Variants in UNC5C observed in about 807,000 individuals in gnomAD.
The protein encoded by UNC5C is unc-5 netrin receptor C.
UNC5C carries 47 observed loss-of-function variants against 99.8 expected under a neutral mutation model. The observed-to-expected ratio is 0.47, with a 90% CI of 0.37 to 0.60. The LOEUF (loss-of-function observed/expected upper bound fraction) is 0.60, where lower values mean the gene tolerates loss of function less well. Among genes scored for constraint, UNC5C ranks in the 20% least tolerant of loss-of-function variants. The probability of loss-of-function intolerance (pLI) is 0.00; values close to 1 mark genes in which losing one functional copy is unlikely to be tolerated. For synonymous variants in UNC5C, 487 were observed against 452.2 expected, an observed-to-expected ratio of 1.08 and a Z score of -0.98; for missense variants, 1,062 against 1,165.9, an observed-to-expected ratio of 0.91 and a Z score of 1.30.
intron 3 of UNC5C, among the ~76,000 whole-genome samples, chr4:95,298,269 G>A (rs189739356): frequency 7.3e-4 from 111 of 152,180 alleles, no homozygotes; most frequent in African/African-American, 2.5e-3. Context: ...CTGTGTTTGC[G>A]CCACTGCACT....
At chr4:95,245,892 G>A (rs924475145) in intron 5 of UNC5C, among the ~76,000 whole-genome samples, 1 of 152,152 alleles carries the variant, frequency 6.6e-6, no homozygotes, top group Non-Finnish European at 1.5e-5. Flanking sequence ...AATAATGTGA[G>A]TCTGTACAAT....
At chr4:95,434,970 C>T (rs1746735389) in intron 1 of UNC5C, among the ~76,000 whole-genome samples, 2 of 152,036 alleles carry the variant, frequency 1.3e-5, no homozygotes, top group South Asian at 2.1e-4. Context: ...TGCAGAAAAA[C>T]GTACAACAGG....
chr4:95,244,534 G>A (rs1321643985), intron 6 of UNC5C, among the ~76,000 whole-genome samples: 1 of 152,126 alleles, frequency 6.6e-6, no homozygotes, highest in African/African-American at 2.4e-5. Flanking sequence ...TGTTGTATTT[G>A]CCCTTCACCA....
chr4:95,259,696 A>G (rs988854436), intron 4 of UNC5C, among the ~76,000 whole-genome samples: 9 of 152,312 alleles, frequency 5.9e-5, no homozygotes, highest in African/African-American at 1.9e-4. Flanking sequence ...TTCTAATTCT[A>G]AAGTATAAGA....
intron 3 of UNC5C, among the ~76,000 whole-genome samples, chr4:95,290,915 A>C (rs574745596): frequency 6.6e-6 from 1 of 152,220 alleles, no homozygotes; most frequent in South Asian, 2.1e-4. Flanking sequence ...TAAGCTTGGT[A>C]ATTTCTTCAG....
At chr4:95,481,641 G>A (rs1236621907) in intron 1 of UNC5C, among the ~76,000 whole-genome samples, 1 of 152,020 alleles carries the variant, frequency 6.6e-6, no homozygotes, top group East Asian at 1.9e-4. Flanking sequence ...AAACAGCATG[G>A]TACTGGTACC....
intron 3 of UNC5C, among the ~76,000 whole-genome samples, chr4:95,292,530 C>A (rs1302005102): frequency 6.6e-6 from 1 of 151,964 alleles, no homozygotes; most frequent in African/African-American, 2.4e-5. Context: ...AGTGAAAAAA[C>A]CAAACCCAAA....
intron 2 of UNC5C, among the ~76,000 whole-genome samples, chr4:95,305,195 A>G (rs1473572443): frequency 1.3e-5 from 2 of 152,220 alleles, no homozygotes; most frequent in African/African-American, 4.8e-5. Context: ...TTGGTCAACA[A>G]CACAAGAATA....
intron 1 of UNC5C, among the ~76,000 whole-genome samples, chr4:95,432,706 T>C (rs533209622): frequency 1.3e-5 from 2 of 152,248 alleles, no homozygotes; most frequent in South Asian, 4.1e-4. Context: ...AAAGAAACTC[T>C]GTCTTCTGAC....
intron 1 of UNC5C, among the ~76,000 whole-genome samples, chr4:95,548,269 A>G (rs894235208): frequency 6.6e-6 from 1 of 151,640 alleles, no homozygotes; most frequent in South Asian, 2.1e-4. Flanking sequence ...GTGCTCAGAG[A>G]CTCAGTGAAG....
At chr4:95,355,524 T>G (rs1018514400) in intron 1 of UNC5C, among the ~76,000 whole-genome samples, 5 of 151,982 alleles carry the variant, frequency 3.3e-5, no homozygotes, top group Non-Finnish European at 7.4e-5. Context: ...TGTTGCCATC[T>G]CCCCCTGCTA....
chr4:95,539,628 A>AAAACAT (rs1722865936), intron 1 of UNC5C, among the ~76,000 whole-genome samples: 1 of 152,152 alleles, frequency 6.6e-6, no homozygotes, highest in African/African-American at 2.4e-5. Context: ...TCTTGCTCCT[A>AAAACAT]AAACATAAAA....
chr4:95,416,340 T>C (rs1746165186), intron 1 of UNC5C, among the ~76,000 whole-genome samples: 1 of 152,166 alleles, frequency 6.6e-6, no homozygotes, highest in South Asian at 2.1e-4. Flanking sequence ...CTAGAAAGTT[T>C]AGTTTAAGAC....
intron 1 of UNC5C, among the ~76,000 whole-genome samples, chr4:95,376,291 G>A (rs1427993116): frequency 3.3e-5 from 5 of 151,424 alleles, no homozygotes; most frequent in African/African-American, 1.2e-4. Context: ...AAATTATTTT[G>A]TTCTTAATTC....
At position 95,260,655 on chromosome 4, in the gene UNC5C, G is replaced by T. The variant is rs1300173950; in HGVS notation, c.595-9988C>A. Among the ~76,000 whole-genome samples, 6 of 152,252 alleles carry T rather than the reference G, an allele frequency of 3.9e-5. No homozygotes were observed. The East Asian group carries it at 1.2e-3, about 29-fold the overall frequency. On this transcript the variant is annotated intron_variant, in intron 4 of 15. Transcript: ENST00000453304. ...GAATAATGACCATTCTTTAGGGTAG[G>T]AAAAGTAGGGGATGTGACCTTGAGG...
intron 1 of UNC5C, among the ~76,000 whole-genome samples, chr4:95,374,079 C>T (rs1473783259): frequency 6.6e-6 from 1 of 152,046 alleles, no homozygotes; most frequent in Non-Finnish European, 1.5e-5. Flanking sequence ...GTTAAGAAAA[C>T]AGGAAGGAGA....
chr4:95,514,645 T>A lies in UNC5C; in HGVS notation c.124+34089A>T, dbSNP rs535275078. Among the ~76,000 whole-genome samples, 862 of 147,734 alleles carry A rather than the reference T, an allele frequency of 5.8e-3. 11 individuals are homozygous for A. Among genetic ancestry groups the A allele is most frequent in the African/African-American group, 0.02 (817 of 40,700 alleles). On this transcript the variant is annotated intron_variant, in intron 1 of 15. Transcript: ENST00000453304. Reference sequence around the variant, plus strand: ...ATATAAATATATTTATTTATTTATTTTATATATATATATACATATATACAC... The same window carrying A: ...ATATAAATATATTTATTTATTTATTATATATATATATATACATATATACAC...
chr4:95,276,832 G>GT (rs1740879333), intron 4 of UNC5C, among the ~76,000 whole-genome samples: 2 of 151,646 alleles, frequency 1.3e-5, no homozygotes, highest in African/African-American at 4.8e-5. Context: ...CCAAATTAAG[G>GT]CAAAAAAATA....
chr4:95,453,313 T>C (rs1161512445), intron 1 of UNC5C, among the ~76,000 whole-genome samples: 1 of 152,066 alleles, frequency 6.6e-6, no homozygotes, highest in Non-Finnish European at 1.5e-5. Context: ...AATTAGATAA[T>C]AATACATGAC....
Sources: allele counts gnomAD v4.1 joint callset (sites outside exome capture counted in the v4.1 genomes callset), GRCh38; gene constraint gnomAD v4.1.1; transcripts MANE v1.5; gene names NCBI Gene and HGNC (gene_info 2026-07-23, HGNC 2026-07-21).